DAB1: variants seen among roughly 807,000 people sequenced by gnomAD.
DAB1 encodes the protein disabled homolog 1.
A neutral mutation model predicts 64.6 loss-of-function variants in DAB1; 15 were observed. The observed-to-expected ratio is 0.23, with a 90% CI of 0.16 to 0.36. DAB1 has a LOEUF of 0.36. Among genes scored for constraint, DAB1 ranks in the 10% least tolerant of loss-of-function variants. The probability of loss-of-function intolerance (pLI) is 1.00; values close to 1 mark genes in which losing one functional copy is unlikely to be tolerated. For synonymous variants in DAB1, 235 were observed against 251.9 expected, an observed-to-expected ratio of 0.93 and a Z score of 0.64; for missense variants, 596 against 706.7, an observed-to-expected ratio of 0.84 and a Z score of 1.78.
intron 5 of DAB1, among the ~76,000 whole-genome samples, chr1:57,954,210 C>T (rs969016967): frequency 3.9e-5 from 6 of 152,044 alleles, no homozygotes; most frequent in Admixed American, 3.9e-4. Flanking sequence ...ATCTATTTTT[C>T]GGTCTTTTCA....
rs190935843 is a variant in DAB1 at position 57,717,023 on chromosome 1, G to A, written n.552-67358C>T. Among the ~76,000 whole-genome samples, 229 of 152,068 alleles carry A rather than the reference G, an allele frequency of 1.5e-3. 4 individuals are homozygous for A. The highest frequency in any genetic ancestry group is 1.9e-4 in the East Asian group (1 of 5,144). ...TGGGAGGTTGAGGTGGGTGGATCACGAGGTCAGGAGTTCAAGACCAGGCTG... is the reference window on the plus strand; with the variant it reads ...TGGGAGGTTGAGGTGGGTGGATCACAAGGTCAGGAGTTCAAGACCAGGCTG... On this transcript the variant is annotated intron_variant and non_coding_transcript_variant, in intron 6 of 20. Coordinates refer to the DAB1 transcript ENST00000485760.
upstream of DAB1, among the ~76,000 whole-genome samples, chr1:57,426,628 T>C (rs1464418299): frequency 6.6e-6 from 1 of 152,158 alleles, no homozygotes; most frequent in Non-Finnish European, 1.5e-5. Flanking sequence ...ATATATTGTT[T>C]ATTATGTTTC....
At chr1:58,190,845 A>G (rs1262111277) in intron 4 of DAB1, among the ~76,000 whole-genome samples, 1 of 152,236 alleles carries the variant, frequency 6.6e-6, no homozygotes, top group Non-Finnish European at 1.5e-5. Context: ...GAGCAAGTTG[A>G]CTATTCCAAG....
chr1:57,870,994 T>A (rs557000237), intron 1 of DAB1, among the ~76,000 whole-genome samples: 1 of 152,246 alleles, frequency 6.6e-6, no homozygotes, highest in South Asian at 2.1e-4. Context: ...CAGTAAACCA[T>A]TCAATAAATG....
At chr1:57,954,423 T>A (rs1645343224) in intron 5 of DAB1, among the ~76,000 whole-genome samples, 1 of 152,110 alleles carries the variant, frequency 6.6e-6, no homozygotes, top group African/African-American at 2.4e-5. Flanking sequence ...CCCACTCCTT[T>A]TGGGTGATGA....
chr1:57,136,016 A>G (rs778651809), intron 4 of DAB1, among the ~76,000 whole-genome samples: 16 of 152,048 alleles, frequency 1.1e-4, no homozygotes, highest in Non-Finnish European at 1.6e-4. Flanking sequence ...GAAAACACAA[A>G]CCACTTCTTT....
chr1:57,636,381 C>T (rs540941782), intron 7 of DAB1, among the ~76,000 whole-genome samples: 1 of 152,248 alleles, frequency 6.6e-6, no homozygotes, highest in African/African-American at 2.4e-5. Flanking sequence ...CCCAAGCAGA[C>T]TGGTACACCA....
intron 4 of DAB1, among the ~76,000 whole-genome samples, chr1:57,084,871 C>G (rs947801757): frequency 6.6e-6 from 1 of 152,178 alleles, no homozygotes; most frequent in Non-Finnish European, 1.5e-5. Context: ...CACCAAACCA[C>G]TGAGGTGGTG....
intron 5 of DAB1, among the ~76,000 whole-genome samples, chr1:57,930,293 G>A (rs1373674990): frequency 6.6e-6 from 1 of 152,122 alleles, no homozygotes; most frequent in Admixed American, 6.5e-5. Flanking sequence ...TAGCATTATA[G>A]TAAGACTGGA....
chr1:57,433,472 A>G (rs1570513844), intron 7 of DAB1, among the ~76,000 whole-genome samples: 3 of 152,294 alleles, frequency 2.0e-5, no homozygotes, highest in South Asian at 2.1e-4. Flanking sequence ...AAACAACTGC[A>G]TAAACATATG....
chr1:57,981,120 T>A (rs1031570437), intron 5 of DAB1, among the ~76,000 whole-genome samples: 3 of 152,150 alleles, frequency 2.0e-5, no homozygotes, highest in African/African-American at 7.2e-5. Context: ...ATAATACTTA[T>A]ATTATCTTAG....
intron 7 of DAB1, among the ~76,000 whole-genome samples, chr1:57,588,230 T>C (rs1419810768): frequency 6.6e-6 from 1 of 152,180 alleles, no homozygotes; most frequent in East Asian, 1.9e-4. Flanking sequence ...TTAAGACCAA[T>C]AGGAAACATC....
chr1:58,078,401 G>C (rs571249113), intron 5 of DAB1, among the ~76,000 whole-genome samples: 80 of 152,292 alleles, frequency 5.3e-4, no homozygotes, highest in African/African-American at 1.9e-3. Context: ...GTGTCAAAGT[G>C]AGGATCAAAT....
chr1:57,558,212 G>A (rs1280062741), intron 7 of DAB1, among the ~76,000 whole-genome samples: 1 of 152,158 alleles, frequency 6.6e-6, no homozygotes, highest in Non-Finnish European at 1.5e-5. Context: ...CCCAGTAGTG[G>A]CAACATGCCC....
At chr1:57,253,446 A>G (rs1425389775) in intron 2 of DAB1, among the ~76,000 whole-genome samples, 2 of 152,146 alleles carry the variant, frequency 1.3e-5, no homozygotes, top group Non-Finnish European at 2.9e-5. Context: ...GAGGAGTATG[A>G]TGAACCAACC....
intron 1 of DAB1, among the ~76,000 whole-genome samples, chr1:57,831,103 CG>C (rs1652566119): frequency 6.6e-6 from 1 of 152,002 alleles, no homozygotes; most frequent in South Asian, 2.1e-4. Context: ...TTAGTATAGA[CG>C]GGGTTTCACC....
rs181402638 is a variant in DAB1 at position 58,323,955 on chromosome 1, C to T, written n.309+19397G>A. On this transcript the variant is annotated intron_variant and non_coding_transcript_variant, in intron 4 of 20. Coordinates refer to the DAB1 transcript ENST00000485760. ...AAAAAAAAAAAAGACTTAGTTACTG[C>T]TCTCAGAAAGGTAACCATCAATTAA... Among the ~76,000 whole-genome samples the T allele has an allele frequency of 6.6e-3, 993 of 150,306 alleles. 5 individuals carry two copies. Among genetic ancestry groups the T allele is most frequent in the Non-Finnish European group, 9.9e-3 (667 of 67,700 alleles).
intron 5 of DAB1, among the ~76,000 whole-genome samples, chr1:57,999,699 G>A (rs1042713654): frequency 7.2e-5 from 11 of 152,062 alleles, no homozygotes; most frequent in African/African-American, 1.7e-4. Context: ...ACGGCCCCCA[G>A]GACAAAGAAT....
At chr1:57,621,661 T>C (rs1225867328) in intron 7 of DAB1, among the ~76,000 whole-genome samples, 1 of 152,092 alleles carries the variant, frequency 6.6e-6, no homozygotes, top group Non-Finnish European at 1.5e-5. Context: ...CACTAGCAGG[T>C]GCTCAGTAAA....
Sources: gnomAD v4.1 joint callset for allele counts (sites outside exome capture counted in the v4.1 genomes callset) on GRCh38, gnomAD v4.1.1 for gene constraint, MANE v1.5 for transcripts, NCBI Gene and HGNC (gene_info 2026-07-23, HGNC 2026-07-21) for gene names.